RASGEF1C: variants seen among roughly 807,000 people sequenced by gnomAD.
RASGEF1C encodes RasGEF domain family member 1C, also known as ras-GEF domain-containing family member 1C.
In RASGEF1C, 27 loss-of-function variants were observed where a neutral mutation model predicts 58.1. The ratio of observed to expected loss-of-function variants is 0.46; its 90% CI spans 0.34 to 0.64. RASGEF1C has a LOEUF of 0.64. Ranked by LOEUF, RASGEF1C falls within the 30% of genes least tolerant of loss-of-function variation. The probability of loss-of-function intolerance (pLI) is 0.01; values close to 1 mark genes in which losing one functional copy is unlikely to be tolerated. For missense variants in RASGEF1C, 502 were observed against 605.1 expected, an observed-to-expected ratio of 0.83 and a Z score of 1.79; for synonymous variants, 243 against 246.3, an observed-to-expected ratio of 0.99 and a Z score of 0.13.
intron 10 of RASGEF1C, among the ~76,000 whole-genome samples, chr5:180,115,952 G>A (rs554769146): frequency 6.6e-6 from 1 of 152,180 alleles, no homozygotes; most frequent in Admixed American, 6.5e-5. Context: ...CTGGACAGCC[G>A]AACTGTGTTG....
At chr5:180,104,781 T>C (rs904938847) in intron 12 of RASGEF1C, among the ~76,000 whole-genome samples, 1 of 152,254 alleles carries the variant, frequency 6.6e-6, no homozygotes, top group Non-Finnish European at 1.5e-5. Flanking sequence ...ATTCAAATTA[T>C]CTATTTTATG....
Position 180,119,453 on chromosome 5 carries a change from G to C in RASGEF1C, c.805-5C>G. ...CCTCTGCTTCTTCTTGGCTGGCTGG[G>C]GACAGGGCAGCAGAGCCTCAGTGGT... On this transcript the variant is annotated splice_region_variant and splice_polypyrimidine_tract_variant and intron_variant, in intron 7 of 13. Coordinates refer to ENST00000361132, the MANE Select transcript of RASGEF1C (RefSeq NM_175062.4). The C allele has an allele frequency of 6.2e-7, 1 of 1,612,754 alleles. No homozygotes were observed. Among genetic ancestry groups the C allele is most frequent in the Non-Finnish European group, 8.5e-7 (1 of 1,178,870 alleles).
rs114180160 is a variant in RASGEF1C at position 180,119,005 on chromosome 5, G to A, written c.908-139C>T. ...TGTCACATGGTGGGTGGGTGAGGGGGTGCTGGTGGACATCATGGTCAGGTA... is the reference window on the plus strand; with the variant it reads ...TGTCACATGGTGGGTGGGTGAGGGGATGCTGGTGGACATCATGGTCAGGTA... On this transcript the variant is annotated intron_variant, in intron 8 of 13. Coordinates refer to ENST00000361132, the MANE Select transcript of RASGEF1C (RefSeq NM_175062.4). 3.0e-3 allele frequency: 2,321 copies of A among 769,718 alleles called. 28 individuals carry two copies. The African/African-American group carries it at 0.033, about 11-fold the overall frequency. 47.7% of individuals were successfully genotyped at this position (769,718 alleles called of 1,614,324 possible). A position where few individuals can be genotyped will look rare whatever the true frequency, so the allele number is the denominator to read the frequency against.
chr5:180,128,267 A>C (rs935809335), intron 5 of RASGEF1C, 143 bp downstream of exon 5: 2 of 799,618 alleles, frequency 2.5e-6, no homozygotes, highest in Non-Finnish European at 4.2e-6. Context: ...CTGCATCCAC[A>C]AGGGGCCCAG....
At chr5:180,119,921 G>T (rs1766138805) in intron 7 of RASGEF1C, among the ~76,000 whole-genome samples, 1 of 152,198 alleles carries the variant, frequency 6.6e-6, no homozygotes, top group South Asian at 2.1e-4. Flanking sequence ...TCTGTGGCCA[G>T]GCGCTCGGGA....
At chr5:180,119,806 C>T (rs1766136626) in intron 7 of RASGEF1C, among the ~76,000 whole-genome samples, 1 of 152,236 alleles carries the variant, frequency 6.6e-6, no homozygotes, top group African/African-American at 2.4e-5. Context: ...GCCCCCAGCC[C>T]TGGGCTTTCT....
intron 12 of RASGEF1C, among the ~76,000 whole-genome samples, chr5:180,103,283 T>C (rs12054654): frequency 0.25 from 37,576 of 152,086 alleles, 5,727 homozygotes; most frequent in East Asian, 0.48. Context: ...TTCACCGTGT[T>C]AGCCAGGATG....
intron 6 of RASGEF1C, among the ~76,000 whole-genome samples, chr5:180,121,406 C>T (rs1450722072): frequency 1.3e-5 from 2 of 151,968 alleles, no homozygotes; most frequent in South Asian, 2.1e-4. Context: ...CTCCGCCTCC[C>T]GGGTTCACGC....
rs114753837 is a variant in RASGEF1C, at chr5:180,109,616, T to C, written c.1303+1841A>G. On this transcript the variant is annotated intron_variant, in intron 12 of 13. Coordinates refer to ENST00000361132, the MANE Select transcript of RASGEF1C (RefSeq NM_175062.4). Reference sequence around the variant, plus strand: ...GATGTGGAGAATATCTTGGATTATATGTGGGGGCCCTAAATGCAATCACAG... The same window carrying C: ...GATGTGGAGAATATCTTGGATTATACGTGGGGGCCCTAAATGCAATCACAG... Among the ~76,000 whole-genome samples the C allele has an allele frequency of 7.0e-3, 1,064 of 152,282 alleles. 14 individuals are homozygous for C. Among genetic ancestry groups the C allele is most frequent in the African/African-American group, 0.024 (1,016 of 41,562 alleles).
intron 1 of RASGEF1C, among the ~76,000 whole-genome samples, chr5:180,195,759 C>T (rs1404221902): frequency 1.3e-5 from 2 of 150,556 alleles, no homozygotes; most frequent in Non-Finnish European, 3.0e-5. Context: ...AGCGAGACTC[C>T]GTCTCAAAAA....
chr5:180,147,003 A>T (rs1039413994), intron 1 of RASGEF1C, among the ~76,000 whole-genome samples: 1 of 151,994 alleles, frequency 6.6e-6, no homozygotes, highest in Non-Finnish European at 1.5e-5. Context: ...TTATAGGTCT[A>T]TTTACGGTTT....
chr5:180,164,565 T>C (rs1766990882), intron 1 of RASGEF1C, among the ~76,000 whole-genome samples: 1 of 152,260 alleles, frequency 6.6e-6, no homozygotes, highest in Admixed American at 6.5e-5. Flanking sequence ...ATTATTTAGA[T>C]ACGTGCTTAA....
chr5:180,142,933 G>A (rs1390353788), intron 1 of RASGEF1C, among the ~76,000 whole-genome samples: 1 of 152,112 alleles, frequency 6.6e-6, no homozygotes, highest in Non-Finnish European at 1.5e-5. Flanking sequence ...AGGACACTGA[G>A]AGGAAATGCC....
At position 180,156,174 on chromosome 5, in the gene RASGEF1C, A is replaced by T. The variant is rs1386714376; in HGVS notation, c.-6-18116T>A. Among the ~76,000 whole-genome samples, 2 of 152,032 alleles carry T rather than the reference A, an allele frequency of 1.3e-5. No homozygotes were observed. Among genetic ancestry groups the T allele is most frequent in the East Asian group, 3.9e-4 (2 of 5,184 alleles). ...TTCCCTTACTTTTCTTTGTAGTTCC[A>T]CCTGTGTATTTATCCCCAAATACCC... On this transcript the variant is annotated intron_variant, in intron 1 of 13. Coordinates refer to ENST00000361132, the MANE Select transcript of RASGEF1C (RefSeq NM_175062.4). The surrounding 1 kb of genome is among the most constrained non-coding windows in gnomAD (Gnocchi z 4.9).
rs921447986 is a variant in RASGEF1C at position 180,127,757 on chromosome 5, G to T, written c.640-74C>A. On this transcript the variant is annotated intron_variant, in intron 5 of 13. Coordinates refer to ENST00000361132, the MANE Select transcript of RASGEF1C (RefSeq NM_175062.4). ...GGGTGTCCACTGGGGGGCCTGCCGT[G>T]GTGCCCCAGCCCCTAGTCCTCCTCA... 28 of 1,412,670 alleles carry T rather than the reference G, an allele frequency of 2.0e-5. No individual in the cohort carries two copies. The South Asian group carries it at 2.2e-4, about 11-fold the overall frequency. 87.5% of individuals were successfully genotyped at this position (1,412,670 alleles called of 1,614,324 possible). A position where few individuals can be genotyped will look rare whatever the true frequency, so the allele number is the denominator to read the frequency against.
intron 4 of RASGEF1C, among the ~76,000 whole-genome samples, chr5:180,135,845 G>C (rs1332876626): frequency 2.0e-5 from 3 of 152,248 alleles, no homozygotes; most frequent in Non-Finnish European, 2.9e-5. Context: ...AAGGTTTGCA[G>C]CTTACCCGTG....
intron 1 of RASGEF1C, among the ~76,000 whole-genome samples, chr5:180,169,628 C>T (rs1767071932): frequency 1.3e-5 from 2 of 149,994 alleles, no homozygotes; most frequent in Non-Finnish European, 2.9e-5. Context: ...CTCACTGAGC[C>T]TCAGTTTTCC....
chr5:180,190,259 A>T (rs369123355), intron 1 of RASGEF1C, among the ~76,000 whole-genome samples: 1 of 151,918 alleles, frequency 6.6e-6, no homozygotes, highest in Admixed American at 6.6e-5. Flanking sequence ...AGGCCGAGGC[A>T]GGCGGATCAC....
At chr5:180,178,137 T>G (rs1280094651) in intron 1 of RASGEF1C, among the ~76,000 whole-genome samples, 1 of 150,628 alleles carries the variant, frequency 6.6e-6, no homozygotes, top group African/African-American at 2.4e-5. Flanking sequence ...TGGCTAATTT[T>G]TTTTTTTTTT....
Sources: gnomAD v4.1 joint callset for allele counts (sites outside exome capture counted in the v4.1 genomes callset) on GRCh38, gnomAD v4.1.1 for gene constraint, Gnocchi (gnomAD v3.1) non-coding constraint, MANE v1.5 for transcripts, NCBI Gene and HGNC (gene_info 2026-07-23, HGNC 2026-07-21) for gene names.